The following TNRC6B variants were observed in gnomAD, a reference collection of about 807,000 sequenced individuals.
TNRC6B encodes trinucleotide repeat containing adaptor 6B.
TNRC6B carries 52 observed loss-of-function variants against 203.6 expected under a neutral mutation model. The observed-to-expected ratio is 0.26, with a 90% CI of 0.20 to 0.32. The LOEUF (loss-of-function observed/expected upper bound fraction) is 0.32, where lower values mean the gene tolerates loss of function less well. Ranked by LOEUF, TNRC6B falls within the 10% of genes least tolerant of loss-of-function variation. TNRC6B has a pLI of 1.00. For synonymous variants in TNRC6B, 838 were observed against 845.7 expected, an observed-to-expected ratio of 0.99 and a Z score of 0.16; for missense variants, 1,923 against 2,286.2, an observed-to-expected ratio of 0.84 and a Z score of 3.24.
intron 2 of TNRC6B, among the ~76,000 whole-genome samples, chr22:40,119,074 C>G (rs1188389924): frequency 6.6e-6 from 1 of 152,146 alleles, no homozygotes; most frequent in Non-Finnish European, 1.5e-5. Context: ...GGGCTGGATC[C>G]TGGAGGGCTC....
At position 40,270,102 on chromosome 22, in the gene TNRC6B, G is replaced by T; in HGVS notation, c.2807-20G>T. On this transcript the variant is annotated intron_variant, in intron 5 of 22. Coordinates refer to ENST00000454349, the MANE Select transcript of TNRC6B (RefSeq NM_001162501.2). ...TTTCATTTAACAAATGATTCTTAGAGACATTTCCTTTCTTTATAGTCTGGA... is the reference window on the plus strand; with the variant it reads ...TTTCATTTAACAAATGATTCTTAGATACATTTCCTTTCTTTATAGTCTGGA... 2 of 1,572,004 alleles carry T rather than the reference G, an allele frequency of 1.3e-6. No individual in the cohort carries two copies. Among genetic ancestry groups the T allele is most frequent in the Non-Finnish European group, 8.6e-7 (1 of 1,157,674 alleles).
intron 21 of TNRC6B, among the ~76,000 whole-genome samples, chr22:40,319,017 G>A (rs1569068766): frequency 6.6e-6 from 1 of 152,154 alleles, no homozygotes; most frequent in East Asian, 1.9e-4. Flanking sequence ...GCTGCAGTGA[G>A]CTGAGATCGC....
At chr22:40,230,511 C>T (rs60806346) in intron 1 of TNRC6B, among the ~76,000 whole-genome samples, 3 of 151,934 alleles carry the variant, frequency 2.0e-5, no homozygotes, top group African/African-American at 4.8e-5. Flanking sequence ...AGACTGATCT[C>T]GAACTCCTGA....
At position 40,264,953 on chromosome 22, in the gene TNRC6B, A is replaced by G; in HGVS notation, c.723A>G (p.Lys241=). The G allele has an allele frequency of 2.5e-6, 4 of 1,613,952 alleles. No homozygotes were observed. Among genetic ancestry groups the G allele is most frequent in the Non-Finnish European group, 3.4e-6 (4 of 1,179,890 alleles). The change falls in exon 5 of 23, where the codon AAA becomes AAG. Residue 241 remains lysine (K), a synonymous_variant. Transcript: ENST00000454349. ...LPGSTTSNKG[K]GSQCQSASSG... is the part of the protein sequence containing the mutation. ...GAAGCACCACTAGTAACAAAGGAAA[A>G]GGGAGCCAGTGCCAGTCTGCAAGTT...
chr22:40,279,681 A>G (rs1241240866), intron 9 of TNRC6B, among the ~76,000 whole-genome samples: 2 of 152,208 alleles, frequency 1.3e-5, no homozygotes, highest in Non-Finnish European at 2.9e-5. Context: ...TCCAGTCTAA[A>G]TGTTTTCTTA....
At chr22:40,187,549 T>G (rs952550768) in intron 1 of TNRC6B, among the ~76,000 whole-genome samples, 20 of 152,098 alleles carry the variant, frequency 1.3e-4, no homozygotes, top group Admixed American at 1.2e-3. Context: ...TGTTACTGTT[T>G]GTGAGTTTCT....
intron 1 of TNRC6B, among the ~76,000 whole-genome samples, chr22:40,216,816 A>C (rs919068797): frequency 2.0e-5 from 3 of 152,180 alleles, no homozygotes; most frequent in Non-Finnish European, 4.4e-5. Context: ...CGGGAAAGAT[A>C]ATATTGAAAA....
intron 1 of TNRC6B, among the ~76,000 whole-genome samples, chr22:40,081,927 C>T (rs1410741561): frequency 6.7e-6 from 1 of 150,146 alleles, no homozygotes. Flanking sequence ...TCGGTGGTGC[C>T]ATTATTCTCT....
intron 3 of TNRC6B, among the ~76,000 whole-genome samples, chr22:40,143,738 C>T (rs559135427): frequency 9.2e-5 from 14 of 152,308 alleles, no homozygotes; most frequent in South Asian, 2.1e-4. Flanking sequence ...CCTCGTGATC[C>T]GCCCGCCTTG....
At position 40,300,463 on chromosome 22, in the gene TNRC6B, C is replaced by T. The variant is rs376775520; in HGVS notation, c.3717C>T (p.Ala1239=). 61 of 1,571,654 alleles carry T rather than the reference C, an allele frequency of 3.9e-5. No homozygotes were observed. The African/African-American group carries it at 7.7e-4, about 20-fold the overall frequency. The stretch of plus-strand genomic sequence containing the variant: ...TTTATTTTTTTGGCTAGGTTTCTGC[C>T]TCAATGCTCAAGCAGTTTCCCAACA... ...PPQFISPQVS[A]SMLKQFPNSG... Residue 1239 remains alanine, a synonymous_variant, in exon 13 of 23, where the codon GCC becomes GCT. Coordinates refer to ENST00000454349, the MANE Select transcript of TNRC6B (RefSeq NM_001162501.2).
intron 5 of TNRC6B, 118 bp downstream of exon 5, chr22:40,267,154 C>A: frequency 5.5e-6 from 6 of 1,089,244 alleles, no homozygotes; most frequent in Non-Finnish European, 6.3e-6. Context: ...CCTACAGTTT[C>A]TACTCTGTTG....
At chr22:40,070,114 C>CT (rs541810016) in intron 1 of TNRC6B, among the ~76,000 whole-genome samples, 72 of 152,206 alleles carry the variant, frequency 4.7e-4, no homozygotes, top group African/African-American at 1.7e-3. Flanking sequence ...TTAGTTCTTG[C>CT]TTTAATCTGG....
In TNRC6B at chr22:40,164,388, TAAA is replaced by T. The variant is rs34013375; in HGVS notation, c.113+8223_113+8225del. 2.9e-3 allele frequency among the ~76,000 whole-genome samples: 369 copies of T among 128,028 alleles called. 2 individuals are homozygous for T. The highest frequency in any genetic ancestry group is 6.3e-3 in the African/African-American group (212 of 33,510). The allele number at this position is 128,028 out of a possible 152,430, so 84.0% of individuals were successfully genotyped here. A position where few individuals can be genotyped will look rare whatever the true frequency, so the allele number is the denominator to read the frequency against. On this transcript the variant is annotated intron_variant, in intron 4 of 23. Coordinates refer to the TNRC6B transcript ENST00000301923. ...GGGCGACAGAGTGAGACTCTGCCTT[TAAA>T]AAAAAAAAAAAAAAAAGGGCATTGT...
At chr22:40,200,708 G>A in intron 1 of TNRC6B, among the ~76,000 whole-genome samples, 1 of 152,214 alleles carries the variant, frequency 6.6e-6, no homozygotes, top group Non-Finnish European at 1.5e-5. Context: ...GAATGTATAT[G>A]TAATATATGT....
At chr22:40,158,850 A>G (rs188582714) in intron 4 of TNRC6B, among the ~76,000 whole-genome samples, 197 of 152,342 alleles carry the variant, frequency 1.3e-3, no homozygotes, top group African/African-American at 4.6e-3. Flanking sequence ...AGGCAACAAC[A>G]ATAAAAATAT....
At chr22:40,257,966 ATCCTGCTAC>A (rs1161416033) in intron 3 of TNRC6B, among the ~76,000 whole-genome samples, 2 of 151,600 alleles carry the variant, frequency 1.3e-5, no homozygotes, top group Non-Finnish European at 2.9e-5. Context: ...GGAAGCTGAG[ATCCTGCTAC>A]TCCACTCTAG....
At chr22:40,101,371 G>A (rs369790345) in intron 1 of TNRC6B, among the ~76,000 whole-genome samples, 10 of 152,046 alleles carry the variant, frequency 6.6e-5, no homozygotes, top group Admixed American at 3.3e-4. Context: ...GCACATTGCC[G>A]GCGCCACCCC....
chr22:40,172,338 T>A (rs1222358019), intron 4 of TNRC6B, among the ~76,000 whole-genome samples: 1 of 152,266 alleles, frequency 6.6e-6, no homozygotes, highest in African/African-American at 2.4e-5. Context: ...GTCAGCTCCA[T>A]ATAGACGAGA....
intron 1 of TNRC6B, among the ~76,000 whole-genome samples, chr22:40,065,540 TC>T: frequency 6.6e-6 from 1 of 152,168 alleles, no homozygotes; most frequent in East Asian, 1.9e-4. Context: ...GTAGTTTGTG[TC>T]TTTCTAGGAA....
Sources: allele counts gnomAD v4.1 joint callset (sites outside exome capture counted in the v4.1 genomes callset), GRCh38; gene constraint gnomAD v4.1.1; transcripts MANE v1.5; gene names NCBI Gene and HGNC (gene_info 2026-07-23, HGNC 2026-07-21).